The following ADGRG6 variants were observed in gnomAD, a reference collection of about 807,000 sequenced individuals.
ADGRG6 encodes the protein adhesion G protein-coupled receptor G6, also known as G-protein coupled receptor 126.
ADGRG6 carries 84 observed loss-of-function variants against 142.4 expected under a neutral mutation model. The observed-to-expected ratio is 0.59, with a 90% CI of 0.49 to 0.71. The LOEUF (loss-of-function observed/expected upper bound fraction) is 0.71. ADGRG6 is among the 30% of genes least tolerant of loss of function. The pLI is 0.00. For synonymous variants in ADGRG6, 521 were observed against 520.5 expected (o/e 1.00, Z -0.01); for missense variants, 1,367 against 1,466.6 (o/e 0.93, Z 1.11).
chr6:142,307,163 G>C lies in ADGRG6; in HGVS notation c.3-2381G>C, dbSNP rs998363716. On this transcript the variant is annotated intron_variant, in intron 1 of 24. Coordinates refer to ENST00000367609, the MANE Select transcript of ADGRG6 (RefSeq NM_198569.3). ...AGCAGGAATCTATGAGTATTATTTA[G>C]AGATTAAATGAATCTGAGAGAAAGC... Among the ~76,000 whole-genome samples, 21 of 152,228 alleles carry C rather than the reference G, an allele frequency of 1.4e-4. 1 individual carries two copies. The East Asian group carries it at 3.7e-3, about 27-fold the overall frequency.
intron 2 of ADGRG6, among the ~76,000 whole-genome samples, chr6:142,357,768 C>T (rs1041907312): frequency 2.0e-5 from 3 of 152,112 alleles, no homozygotes; most frequent in African/African-American, 4.8e-5. Context: ...TTCACCTGCA[C>T]CACATAACAT....
chr6:142,349,985 C>T (rs113651347), intron 2 of ADGRG6, among the ~76,000 whole-genome samples: 10 of 152,230 alleles, frequency 6.6e-5, no homozygotes, highest in African/African-American at 2.4e-4. Flanking sequence ...TACCAGCACT[C>T]GGGATATATT....
chr6:142,397,752 C>T lies in ADGRG6; in HGVS notation c.1564C>T (p.Leu522=). Residue 522 remains leucine, a synonymous_variant, in exon 10 of 25, where the codon CTG becomes TTG. Coordinates refer to ENST00000367609, the MANE Select transcript of ADGRG6 (RefSeq NM_198569.3). ...GCTACATACAGTGAATGTGAGACAA[C>T]TGGGTAAGTGACTAATTTTTTTATA... is the stretch of plus-strand genomic sequence containing the variant. ...LRLHTVNVRQ[L]GHCLAMEEPK... is the part of the protein sequence containing the mutation. The T allele has an allele frequency of 6.4e-7, 1 of 1,555,698 alleles. No homozygotes were observed. Among genetic ancestry groups the T allele is most frequent in the Non-Finnish European group, 8.6e-7 (1 of 1,156,690 alleles).
intron 14 of ADGRG6, among the ~76,000 whole-genome samples, chr6:142,404,591 C>T (rs1775704208): frequency 6.6e-6 from 1 of 152,012 alleles, no homozygotes; most frequent in South Asian, 2.1e-4. Context: ...TTGCAGTGAG[C>T]CGGAATCATG....
chr6:142,358,678 G>C (rs1158739218), intron 2 of ADGRG6, among the ~76,000 whole-genome samples: 1 of 152,132 alleles, frequency 6.6e-6, no homozygotes, highest in African/African-American at 2.4e-5. Flanking sequence ...AGGCCGAGGA[G>C]GGCGGATCAT....
intron 2 of ADGRG6, among the ~76,000 whole-genome samples, chr6:142,319,927 T>C (rs1314872593): frequency 6.6e-6 from 1 of 152,162 alleles, no homozygotes; most frequent in Admixed American, 6.6e-5. Context: ...AAGTAACAAC[T>C]TACGTTTTTG....
chr6:142,336,743 C>T (rs1779335504), intron 2 of ADGRG6, among the ~76,000 whole-genome samples: 1 of 152,152 alleles, frequency 6.6e-6, no homozygotes, highest in South Asian at 2.1e-4. Context: ...ATGACACCCT[C>T]CTTAGAGGGG....
chr6:142,397,714 A>G lies in ADGRG6; in HGVS notation c.1526A>G (p.Asp509Gly). 6.2e-7 allele frequency: 1 copy of G among 1,607,980 alleles called. No individual in the cohort carries two copies. The highest frequency in any genetic ancestry group is 8.5e-7 in the Non-Finnish European group (1 of 1,177,058). Residue 509 changes from aspartate to glycine, a missense_variant, in exon 10 of 25, where the codon GAT (aspartate) becomes GGT (glycine). Asp to Gly is a moderately conservative substitution (Grantham distance 94). Coordinates refer to ENST00000367609, the MANE Select transcript of ADGRG6 (RefSeq NM_198569.3). The part of the protein sequence containing the change: ...QKLLKNNESL[D>G]EGLRLHTVNV... ...CTCCTAAAAAATAATGAGTCCTTGGATGAAGGCTTGAGGCTACATACAGTG... is the reference window on the plus strand; with the variant it reads ...CTCCTAAAAAATAATGAGTCCTTGGGTGAAGGCTTGAGGCTACATACAGTG...
chr6:142,329,879 AAGG>A (rs934724621), intron 2 of ADGRG6, among the ~76,000 whole-genome samples: 3 of 152,206 alleles, frequency 2.0e-5, no homozygotes, highest in Non-Finnish European at 4.4e-5. Context: ...GGGAGTAGAA[AAGG>A]AGGAGGCTGG....
At chr6:142,312,992 G>A (rs959662881) in intron 2 of ADGRG6, among the ~76,000 whole-genome samples, 16 of 152,006 alleles carry the variant, frequency 1.1e-4, no homozygotes, top group African/African-American at 3.9e-4. Flanking sequence ...ATAAGACTTT[G>A]TAAACATGTT....
At chr6:142,393,774 A>G (rs1775029391) in intron 8 of ADGRG6, 122 bp from the exon 9 acceptor site, 1 of 658,998 alleles carries the variant, frequency 1.5e-6, no homozygotes, top group Non-Finnish European at 2.7e-6. Context: ...ACCTCAGGAC[A>G]CACATTTGAA....
intron 5 of ADGRG6, among the ~76,000 whole-genome samples, chr6:142,383,292 G>T (rs1443701265): frequency 1.3e-5 from 2 of 152,210 alleles, no homozygotes; most frequent in South Asian, 2.1e-4. Flanking sequence ...TTAAGAAGAA[G>T]TACATTTTTC....
At chr6:142,398,863 C>CAT (rs756280324) in intron 10 of ADGRG6, among the ~76,000 whole-genome samples, 134 of 151,860 alleles carry the variant, frequency 8.8e-4, no homozygotes, top group East Asian at 3.7e-3. Context: ...TTTATGTTCA[C>CAT]ATATATATAT....
chr6:142,403,251 G>A (rs1029567861), intron 13 of ADGRG6, among the ~76,000 whole-genome samples: 1 of 151,976 alleles, frequency 6.6e-6, no homozygotes, highest in African/African-American at 2.4e-5. Flanking sequence ...AGATGAAAAT[G>A]TACCTGTATT....
chr6:142,393,027 A>G (rs766001085), intron 8 of ADGRG6, 27 bp downstream of exon 8: 3 of 1,262,016 alleles, frequency 2.4e-6, no homozygotes, highest in East Asian at 2.3e-5. Flanking sequence ...TATTTGATAA[A>G]TTAAAAGTAG....
intron 2 of ADGRG6, among the ~76,000 whole-genome samples, chr6:142,342,712 G>A (rs1042766599): frequency 5.3e-5 from 8 of 152,032 alleles, no homozygotes; most frequent in African/African-American, 7.2e-5. Flanking sequence ...CCAAAAGTAC[G>A]TAACAAAGCC....
At chr6:142,380,670 C>T (rs548511122) in intron 4 of ADGRG6, among the ~76,000 whole-genome samples, 1 of 152,306 alleles carries the variant, frequency 6.6e-6, no homozygotes, top group African/African-American at 2.4e-5. Flanking sequence ...GGCTCTCTCA[C>T]AGCCTCCTGT....
chr6:142,302,980 GT>G (rs1483726081), intron 1 of ADGRG6, among the ~76,000 whole-genome samples: 1 of 152,148 alleles, frequency 6.6e-6, no homozygotes, highest in African/African-American at 2.4e-5. Flanking sequence ...AACCTAAAAG[GT>G]TTTGCCTCCA....
chr6:142,444,245 T>A lies in ADGRG6; in HGVS notation c.*730T>A, dbSNP rs1777885419. The A allele has an allele frequency of 6.6e-6, 1 of 152,212 alleles. No individual in the cohort carries two copies. The highest frequency in any genetic ancestry group is 1.5e-5 in the Non-Finnish European group (1 of 68,032). 9.4% of individuals were successfully genotyped at this position (152,212 alleles called of 1,614,324 possible). ...TTTAATCCCATACATTCGAGTTAAGTTTAGTGTTGATGTTCCATCATTCTG... is the reference window on the plus strand; with the variant it reads ...TTTAATCCCATACATTCGAGTTAAGATTAGTGTTGATGTTCCATCATTCTG... On this transcript the variant is annotated 3_prime_UTR_variant, in exon 25 of 25. Transcript: ENST00000367609.
Sources: allele counts gnomAD v4.1 joint callset (sites outside exome capture counted in the v4.1 genomes callset), GRCh38; gene constraint gnomAD v4.1.1; transcripts MANE v1.5; gene names NCBI Gene and HGNC (gene_info 2026-07-23, HGNC 2026-07-21).